TAFA1: variants seen among roughly 807,000 people sequenced by gnomAD.
TAFA1 encodes TAFA chemokine like family member 1, also known as chemokine-like protein TAFA-1.
A neutral mutation model predicts 18.5 loss-of-function variants in TAFA1; 4 were observed. That is an observed-to-expected ratio of 0.22 (90% CI 0.11 to 0.49). The LOEUF (loss-of-function observed/expected upper bound fraction) is 0.49. TAFA1 is among the 20% of genes least tolerant of loss of function. The pLI is 0.98. For missense variants in TAFA1, 147 were observed against 169.0 expected, an observed-to-expected ratio of 0.87 and a Z score of 0.72; for synonymous variants, 56 against 55.2, an observed-to-expected ratio of 1.01 and a Z score of -0.06.
intron 3 of TAFA1, among the ~76,000 whole-genome samples, chr3:68,457,215 T>C (rs899505889): frequency 1.3e-5 from 2 of 152,222 alleles, no homozygotes; most frequent in African/African-American, 4.8e-5. Flanking sequence ...GGATTAATAG[T>C]GCATGTTTAT....
At chr3:68,370,726 A>G (rs2069688674) in intron 2 of TAFA1, among the ~76,000 whole-genome samples, 1 of 148,898 alleles carries the variant, frequency 6.7e-6, no homozygotes, top group Non-Finnish European at 1.5e-5. Flanking sequence ...AAGTACTCCT[A>G]GACAATTGGA....
intron 2 of TAFA1, among the ~76,000 whole-genome samples, chr3:68,052,093 ATAT>A (rs1559718034): frequency 6.6e-6 from 1 of 152,148 alleles, no homozygotes; most frequent in African/African-American, 2.4e-5. Flanking sequence ...TTGACTCTCA[ATAT>A]TATGATTTCA....
intron 2 of TAFA1, among the ~76,000 whole-genome samples, chr3:68,344,631 T>G (rs262215): frequency 0.49 from 74,727 of 151,868 alleles, 18,887 homozygotes; most frequent in East Asian, 0.73. Flanking sequence ...CCCTGACTTT[T>G]CCCCCTAGCT....
At chr3:68,111,834 G>A (rs2106838115) in intron 2 of TAFA1, among the ~76,000 whole-genome samples, 1 of 152,040 alleles carries the variant, frequency 6.6e-6, no homozygotes, top group South Asian at 2.1e-4. Context: ...ATTCTTGGTA[G>A]ATTGTTAGGA....
intron 2 of TAFA1, among the ~76,000 whole-genome samples, chr3:68,313,872 A>G (rs1444752275): frequency 6.6e-6 from 1 of 152,330 alleles, no homozygotes; most frequent in East Asian, 1.9e-4. Context: ...AAGTGGAGAA[A>G]TGTGTGTTTT....
chr3:68,439,173 A>G (rs909973757), intron 3 of TAFA1, among the ~76,000 whole-genome samples: 1 of 151,962 alleles, frequency 6.6e-6, no homozygotes, highest in Admixed American at 6.6e-5. Context: ...GGCCAGGCTG[A>G]GAGTTTTCCA....
At chr3:68,218,430 G>A (rs2066687970) in intron 2 of TAFA1, among the ~76,000 whole-genome samples, 1 of 152,044 alleles carries the variant, frequency 6.6e-6, no homozygotes, top group African/African-American at 2.4e-5. Flanking sequence ...TTTCTGGCTT[G>A]TGACTGATTC....
chr3:68,181,588 C>G (rs1188487400), intron 2 of TAFA1, among the ~76,000 whole-genome samples: 2 of 152,086 alleles, frequency 1.3e-5, no homozygotes. Context: ...TTTTTATGCA[C>G]TGTTTAGATT....
At chr3:68,405,730 A>C (rs2070591871) in intron 2 of TAFA1, among the ~76,000 whole-genome samples, 1 of 144,972 alleles carries the variant, frequency 6.9e-6, no homozygotes, top group African/African-American at 2.6e-5. Context: ...AAAAAAAAAA[A>C]AAAAAAAAAA....
chr3:68,438,347 A>T (rs1396565693), intron 3 of TAFA1, among the ~76,000 whole-genome samples: 1 of 152,076 alleles, frequency 6.6e-6, no homozygotes, highest in Non-Finnish European at 1.5e-5. Flanking sequence ...ACAGAGTGAG[A>T]CCTTGTCTCA....
In TAFA1 at chr3:68,006,699, G is replaced by A; in HGVS notation, c.73G>A (p.Gly25Arg). Residue 25 changes from glycine to arginine, a missense_variant, in exon 2 of 5, where the codon GGA becomes AGA. Physicochemically the swap from Gly to Arg is moderately radical, Grantham distance 125. Transcript: ENST00000478136. Reference sequence around the variant, plus strand: ...TGCTTGTGCAATGCTACTCTGCCATGGATCCCTTCAGCACACTTTCCAGCA... The same window carrying A: ...TGCTTGTGCAATGCTACTCTGCCATAGATCCCTTCAGCACACTTTCCAGCA... ...ISACAMLLCHGSLQHTFQQHH... is the reference protein window; with the variant it reads ...ISACAMLLCHRSLQHTFQQHH... The A allele has an allele frequency of 6.2e-7, 1 of 1,614,030 alleles. No homozygotes were observed. Among genetic ancestry groups the A allele is most frequent in the East Asian group, 2.2e-5 (1 of 44,878 alleles).
chr3:68,035,992 C>T (rs530015318), intron 2 of TAFA1, among the ~76,000 whole-genome samples: 1 of 152,182 alleles, frequency 6.6e-6, no homozygotes, highest in Admixed American at 6.5e-5. Context: ...TTAGTGGTGT[C>T]CAGGGGCTAA....
chr3:68,066,798 G>A (rs1428778693), intron 2 of TAFA1, among the ~76,000 whole-genome samples: 3 of 152,118 alleles, frequency 2.0e-5, no homozygotes. Flanking sequence ...CTGGGACTAA[G>A]ATCTGCTGAA....
chr3:68,280,331 C>A (rs1017836079), intron 2 of TAFA1, among the ~76,000 whole-genome samples: 4 of 152,084 alleles, frequency 2.6e-5, no homozygotes, highest in Non-Finnish European at 4.4e-5. Flanking sequence ...ACCATTGATC[C>A]GTTTAACAAC....
At chr3:68,317,670 C>T (rs908144983) in intron 2 of TAFA1, among the ~76,000 whole-genome samples, 4 of 152,068 alleles carry the variant, frequency 2.6e-5, no homozygotes, top group African/African-American at 9.7e-5. Context: ...GATTACAGGA[C>T]CAGCTACATC....
intron 2 of TAFA1, among the ~76,000 whole-genome samples, chr3:68,186,837 C>T (rs2066277867): frequency 6.6e-6 from 1 of 152,026 alleles, no homozygotes; most frequent in South Asian, 2.1e-4. Flanking sequence ...TTGGGATGGC[C>T]TTTAATTTCT....
chr3:68,039,513 C>T (rs57264625), intron 2 of TAFA1, among the ~76,000 whole-genome samples: 4,296 of 152,064 alleles, frequency 0.028, 83 homozygotes, highest in East Asian at 0.1. Flanking sequence ...GTATTTTATA[C>T]GATTGATATG....
At chr3:68,074,898 T>A (rs114152342) in intron 2 of TAFA1, among the ~76,000 whole-genome samples, 2,471 of 152,326 alleles carry the variant, frequency 0.016, 38 homozygotes, top group East Asian at 0.056. Flanking sequence ...GAATGTTGCA[T>A]TTCTGAATTC....
chr3:68,357,512 T>A (rs1394853311), intron 2 of TAFA1, among the ~76,000 whole-genome samples: 2 of 151,922 alleles, frequency 1.3e-5, no homozygotes, highest in African/African-American at 4.8e-5. Context: ...AGGGTAATAG[T>A]TGTGTACTTT....
Sources: gnomAD v4.1 joint callset for allele counts (sites outside exome capture counted in the v4.1 genomes callset) on GRCh38, gnomAD v4.1.1 for gene constraint, MANE v1.5 for transcripts, NCBI Gene and HGNC (gene_info 2026-07-23, HGNC 2026-07-21) for gene names.